Variants in ITGBL1 observed in about 807,000 individuals in gnomAD.
The protein encoded by ITGBL1 is integrin subunit beta like 1, also known as integrin beta-like protein 1.
ITGBL1 carries 51 observed loss-of-function variants against 68.5 expected under a neutral mutation model. The observed-to-expected ratio is 0.74, with a 90% CI of 0.59 to 0.94. ITGBL1 has a LOEUF of 0.94. Ranked by LOEUF, ITGBL1 falls within the 40% of genes least tolerant of loss-of-function variation. The pLI, the probability that ITGBL1 is intolerant of heterozygous loss-of-function variation, is 0.00. For missense variants in ITGBL1, 649 were observed against 647.4 expected, an observed-to-expected ratio of 1.00 and a Z score of -0.03; for synonymous variants, 209 against 227.3, an observed-to-expected ratio of 0.92 and a Z score of 0.72.
chr13:101,693,193 G>T (rs2033922294), intron 8 of ITGBL1, among the ~76,000 whole-genome samples: 1 of 152,160 alleles, frequency 6.6e-6, no homozygotes, highest in Non-Finnish European at 1.5e-5. Context: ...GCAGATAGAA[G>T]GTAGTGAGCA....
intron 7 of ITGBL1, among the ~76,000 whole-genome samples, chr13:101,615,875 A>G (rs1353244846): frequency 6.6e-6 from 1 of 152,194 alleles, no homozygotes; most frequent in Non-Finnish European, 1.5e-5. Context: ...GTGAGGACAC[A>G]GTGAGAAGGT....
At chr13:101,465,588 C>T (rs903707347) in intron 2 of ITGBL1, among the ~76,000 whole-genome samples, 2 of 151,986 alleles carry the variant, frequency 1.3e-5, no homozygotes, top group Non-Finnish European at 2.9e-5. Context: ...GTTTTAAGAC[C>T]CTCTGCCTTA....
At chr13:101,503,362 C>G (rs1049596427) in intron 2 of ITGBL1, among the ~76,000 whole-genome samples, 1 of 152,114 alleles carries the variant, frequency 6.6e-6, no homozygotes, top group Non-Finnish European at 1.5e-5. Context: ...CCACAGAAGG[C>G]ATTGCTGAAC....
intron 2 of ITGBL1, among the ~76,000 whole-genome samples, chr13:101,549,995 A>G (rs1298717565): frequency 1.3e-5 from 2 of 152,172 alleles, no homozygotes; most frequent in Non-Finnish European, 2.9e-5. Flanking sequence ...TATAATTTGT[A>G]GTGGTAAATG....
intron 2 of ITGBL1, among the ~76,000 whole-genome samples, chr13:101,552,263 T>C (rs1386091023): frequency 6.6e-6 from 1 of 152,202 alleles, no homozygotes; most frequent in Non-Finnish European, 1.5e-5. Flanking sequence ...GAGTATCATA[T>C]CCTGCAAAAT....
intron 7 of ITGBL1, among the ~76,000 whole-genome samples, chr13:101,685,585 G>A (rs144843346): frequency 3.3e-5 from 5 of 152,126 alleles, no homozygotes; most frequent in African/African-American, 1.2e-4. Context: ...ATCACTCCCT[G>A]TTAACCATAA....
At chr13:101,547,234 C>G (rs1438000632) in intron 2 of ITGBL1, among the ~76,000 whole-genome samples, 1 of 151,710 alleles carries the variant, frequency 6.6e-6, no homozygotes, top group Non-Finnish European at 1.5e-5. Context: ...CTATATTCCT[C>G]CTTTTTGAAT....
chr13:101,501,832 A>ACT (rs1430060798), intron 2 of ITGBL1, among the ~76,000 whole-genome samples: 1 of 152,198 alleles, frequency 6.6e-6, no homozygotes, highest in East Asian at 1.9e-4. Flanking sequence ...TGGTGAGCAG[A>ACT]CTAGGACAGG....
At chr13:101,662,590 T>G (rs1344923071) in intron 7 of ITGBL1, among the ~76,000 whole-genome samples, 1 of 152,118 alleles carries the variant, frequency 6.6e-6, no homozygotes, top group South Asian at 2.1e-4. Context: ...CCCTTTCTCT[T>G]TACTGTAATT....
At chr13:101,478,851 A>G (rs2048574503) in intron 2 of ITGBL1, among the ~76,000 whole-genome samples, 1 of 152,104 alleles carries the variant, frequency 6.6e-6, no homozygotes, top group Admixed American at 6.6e-5. Flanking sequence ...TTCATGGATT[A>G]GAAGACTCAA....
chr13:101,604,893 C>CACAT, intron 7 of ITGBL1, among the ~76,000 whole-genome samples: 1 of 77,216 alleles, frequency 1.3e-5, no homozygotes, highest in Non-Finnish European at 2.8e-5. Flanking sequence ...TATATACACA[C>CACAT]ACACACACAT....
chr13:101,671,442 T>TG (rs1333596624), intron 7 of ITGBL1, among the ~76,000 whole-genome samples: 2 of 97,054 alleles, frequency 2.1e-5, no homozygotes, highest in African/African-American at 4.2e-5. Flanking sequence ...TTTTTGTTTT[T>TG]TTTTGTTTTT....
intron 6 of ITGBL1, among the ~76,000 whole-genome samples, chr13:101,585,481 A>T (rs1439824261): frequency 6.6e-6 from 1 of 152,128 alleles, no homozygotes; most frequent in African/African-American, 2.4e-5. Context: ...CCCAGGCTGG[A>T]GTGCAGTGGC....
intron 2 of ITGBL1, among the ~76,000 whole-genome samples, chr13:101,459,961 T>A (rs1333047115): frequency 6.6e-6 from 1 of 152,162 alleles, no homozygotes; most frequent in Non-Finnish European, 1.5e-5. Context: ...AGAACTGGAC[T>A]TCCTGGCTCT....
At chr13:101,569,095 C>G (rs1453783825) in intron 3 of ITGBL1, among the ~76,000 whole-genome samples, 1 of 143,830 alleles carries the variant, frequency 7.0e-6, no homozygotes, top group African/African-American at 2.5e-5. Flanking sequence ...ATTCATAACA[C>G]CCACCCCTCC....
chr13:101,543,674 C>G (rs187333935), intron 2 of ITGBL1, among the ~76,000 whole-genome samples: 2 of 152,160 alleles, frequency 1.3e-5, no homozygotes, highest in Admixed American at 1.3e-4. Flanking sequence ...GTTCCATTCT[C>G]CCTGTCACTT....
intron 2 of ITGBL1, among the ~76,000 whole-genome samples, chr13:101,540,112 C>A (rs974619100): frequency 6.6e-6 from 1 of 152,102 alleles, no homozygotes; most frequent in African/African-American, 2.4e-5. Context: ...GTGTTTTAGA[C>A]ATGAAGTCCT....
chr13:101,523,121 A>T (rs2049313698), intron 2 of ITGBL1, among the ~76,000 whole-genome samples: 1 of 152,336 alleles, frequency 6.6e-6, no homozygotes, highest in East Asian at 1.9e-4. Flanking sequence ...TATCTGTTCT[A>T]TGAAACAAAT....
rs1446524805 is a variant in ITGBL1 at position 101,497,314 on chromosome 13, C to A, written c.316+43214C>A. 2.6e-5 allele frequency among the ~76,000 whole-genome samples: 4 copies of A among 152,290 alleles called. No homozygotes were observed. The South Asian group carries it at 8.3e-4, about 32-fold the overall frequency. On this transcript the variant is annotated intron_variant, in intron 2 of 10. Coordinates refer to ENST00000376180, the MANE Select transcript of ITGBL1 (RefSeq NM_004791.3). ...TCCTTTTAAGTAAATCCTTTTGAAT[C>A]CCTCAATTGTAGGTTGATGATCTAA... is the stretch of plus-strand genomic sequence containing the variant.
Sources: allele counts gnomAD v4.1 joint callset (sites outside exome capture counted in the v4.1 genomes callset), GRCh38; gene constraint gnomAD v4.1.1; transcripts MANE v1.5; gene names NCBI Gene and HGNC (gene_info 2026-07-23, HGNC 2026-07-21).